The following AGT variants were observed in gnomAD, a reference collection of about 807,000 sequenced individuals.
AGT encodes the protein alpha-1 antiproteinase, antitrypsin.
A neutral mutation model predicts 28.1 loss-of-function variants in AGT; 26 were observed. The observed-to-expected ratio is 0.92, with a 90% CI of 0.68 to 1.28. AGT has a LOEUF of 1.28. AGT is among the 50% of genes most tolerant of loss of function. The probability of loss-of-function intolerance (pLI) is 0.00; values close to 1 mark genes in which losing one functional copy is unlikely to be tolerated. For synonymous variants in AGT, 259 were observed against 259.6 expected (o/e 1.00, Z 0.02); for missense variants, 596 against 592.3 (o/e 1.01, Z -0.06).
intron 1 of AGT, among the ~76,000 whole-genome samples, chr1:230,739,027 C>T (rs904363469): frequency 2.6e-5 from 4 of 152,000 alleles, no homozygotes; most frequent in African/African-American, 4.8e-5. Context: ...GATACTCTTG[C>T]TACTATGTAA....
intron 1 of AGT, among the ~76,000 whole-genome samples, chr1:230,733,258 G>A (rs1391354542): frequency 1.3e-5 from 2 of 152,066 alleles, no homozygotes; most frequent in South Asian, 2.1e-4. Context: ...ACTCCAGCGT[G>A]GGCAACAAGA....
intron 2 of AGT, among the ~76,000 whole-genome samples, chr1:230,707,259 A>G (rs1371116589): frequency 6.6e-6 from 1 of 152,152 alleles, no homozygotes; most frequent in Non-Finnish European, 1.5e-5. Context: ...TTACACTAGC[A>G]CATCCCTGCC....
upstream of AGT, among the ~76,000 whole-genome samples, chr1:230,718,743 T>TTTTTG (rs1663788963): frequency 6.9e-6 from 1 of 144,714 alleles, no homozygotes; most frequent in Admixed American, 6.8e-5. Context: ...TTTTTTTTTG[T>TTTTTG]GAGACAGGGT....
rs764938517 is a variant in AGT at position 230,710,361 on chromosome 1, C to T, written c.463G>A (p.Val155Ile). Residue 155 changes from valine to isoleucine, a missense_variant, in exon 2 of 5, where the codon GTT (valine) becomes ATT (isoleucine). Coordinates refer to ENST00000366667, the MANE Select transcript of AGT (RefSeq NM_001384479.1). ...TADRLQAILGVPWKDKNCTSR... is the reference protein window; with the variant it reads ...TADRLQAILGIPWKDKNCTSR... ...GTGCAGTTCTTGTCCTTCCAAGGAACACCCAGGATTGCCTGTAGCCTGTCA... is the reference window on the plus strand; with the variant it reads ...GTGCAGTTCTTGTCCTTCCAAGGAATACCCAGGATTGCCTGTAGCCTGTCA... 1 of 1,614,178 alleles carries T rather than the reference C, an allele frequency of 6.2e-7. No homozygotes were observed. The highest frequency in any genetic ancestry group is 1.1e-5 in the South Asian group (1 of 91,088).
chr1:230,740,888 G>A (rs538666293), intron 1 of AGT, among the ~76,000 whole-genome samples: 36 of 152,290 alleles, frequency 2.4e-4, no homozygotes, highest in South Asian at 1.0e-3. Context: ...GGTGGGTTAC[G>A]GTGAGCCAAG....
intron 1 of AGT, among the ~76,000 whole-genome samples, chr1:230,711,491 G>C: frequency 6.6e-6 from 1 of 152,164 alleles, no homozygotes; most frequent in East Asian, 1.9e-4. Flanking sequence ...GCCTGCAGCT[G>C]TAAGTTCTCT....
chr1:230,719,017 CATGCCTGGCCTTT>C (rs2102796938), upstream of AGT, among the ~76,000 whole-genome samples: 1 of 152,304 alleles, frequency 6.6e-6, no homozygotes, highest in South Asian at 2.1e-4. Flanking sequence ...CATGAGCCAC[CATGCCTGGCCTTT>C]ATGCTTTTTT....
rs765050973 is a variant in AGT, at chr1:230,706,179, A to G, written c.851T>C (p.Leu284Pro). Residue 284 changes from leucine to proline, a missense_variant, in exon 3 of 5, where the codon CTG becomes CCG. Physicochemically the swap from Leu to Pro is moderately conservative, Grantham distance 98. Coordinates refer to ENST00000366667, the MANE Select transcript of AGT (RefSeq NM_001384479.1). ...HFQGKMKGFS[L>P]LAEPQEFWVD... is the part of the protein sequence containing the mutation. ...CCAGAACTCCTGGGGCTCGGCCAGC[A>G]GGGAGAAGCCCTTCATCTTCCCTGA... 6.2e-7 allele frequency: 1 copy of G among 1,613,788 alleles called. No homozygotes were observed.
intron 1 of AGT, among the ~76,000 whole-genome samples, chr1:230,727,123 A>G (rs1051844414): frequency 6.6e-6 from 1 of 152,084 alleles, no homozygotes; most frequent in Non-Finnish European, 1.5e-5. Context: ...GCCTTGGAGA[A>G]CCCTAAAATC....
intron 1 of AGT, among the ~76,000 whole-genome samples, chr1:230,727,453 G>A (rs184723371): frequency 9.2e-5 from 14 of 152,256 alleles, no homozygotes; most frequent in Non-Finnish European, 1.5e-5. Flanking sequence ...ATTTACTGAG[G>A]ACATATAAAT....
chr1:230,731,696 T>C lies in AGT; in HGVS notation c.-31+13819A>G, dbSNP rs1664072152. ...GTCTGGCCAACATGGTGAAACCCCG[T>C]CTCTACTAAAAATACAAAAAATTAG... is the stretch of plus-strand genomic sequence containing the variant. On this transcript the variant is annotated intron_variant, in intron 1 of 4. Coordinates refer to the AGT transcript ENST00000681269. 3.3e-5 allele frequency among the ~76,000 whole-genome samples: 5 copies of C among 152,088 alleles called. No homozygotes were observed. In the South Asian group the frequency reaches 1.0e-3, roughly 32 times the overall value.
intron 1 of AGT, among the ~76,000 whole-genome samples, chr1:230,737,498 G>T (rs192695002): frequency 4.6e-5 from 7 of 152,134 alleles, no homozygotes; most frequent in Admixed American, 2.0e-4. Context: ...TTTTAGTAGA[G>T]ATGGGGTTTT....
Position 230,710,542 on chromosome 1 carries a change from G to A in AGT, c.282C>T (p.Ala94=), listed in dbSNP as rs756049025. ...AKLDTEDKLR[A]AMVGMLANFL... is the part of the protein sequence containing the mutation. ...AGTTGGCCAGCATCCCGACCATTGC[G>A]GCCCTCAACTTGTCTTCGGTGTCAA... The change falls in exon 2 of 5, where the codon GCC becomes GCT. Residue 94 remains alanine, a synonymous_variant. Coordinates refer to ENST00000366667, the MANE Select transcript of AGT (RefSeq NM_001384479.1). The A allele has an allele frequency of 1.9e-5, 30 of 1,614,112 alleles. No homozygotes were observed. Among genetic ancestry groups the A allele is most frequent in the South Asian group, 8.8e-5 (8 of 91,084 alleles).
At chr1:230,718,055 C>T (rs979707432), upstream of AGT, among the ~76,000 whole-genome samples, 1 of 152,198 alleles carries the variant, frequency 6.6e-6, no homozygotes, top group Non-Finnish European at 1.5e-5. Context: ...CCTCCTGCCT[C>T]AGTCTCCAGA....
intron 1 of AGT, among the ~76,000 whole-genome samples, chr1:230,736,401 C>T (rs1219467257): frequency 6.6e-6 from 1 of 152,110 alleles, no homozygotes. Context: ...CACCTGTAGT[C>T]CCAGCTACTC....
chr1:230,720,399 A>C (rs796319620), intron 1 of AGT, among the ~76,000 whole-genome samples: 1 of 152,206 alleles, frequency 6.6e-6, no homozygotes, highest in African/African-American at 2.4e-5. Flanking sequence ...ACAACCCCCT[A>C]TTCCCTACCC....
At chr1:230,733,876 C>T (rs986321278) in intron 1 of AGT, among the ~76,000 whole-genome samples, 1 of 151,992 alleles carries the variant, frequency 6.6e-6, no homozygotes, top group Non-Finnish European at 1.5e-5. Flanking sequence ...TGCGTGGAGA[C>T]CATTTCATGT....
chr1:230,727,650 T>C (rs2478528), intron 1 of AGT, among the ~76,000 whole-genome samples: 66,104 of 151,576 alleles, frequency 0.44, 16,528 homozygotes, highest in East Asian at 0.73. Flanking sequence ...TCAGTCAGAG[T>C]TATGTCCCCT....
At chr1:230,718,593 TTA>T (rs1491167101), upstream of AGT, among the ~76,000 whole-genome samples, 135 of 128,170 alleles carry the variant, frequency 1.1e-3, no homozygotes, top group African/African-American at 4.3e-3. Context: ...TATATTCACT[TTA>T]AAAAAAAAAA....
Sources: allele counts gnomAD v4.1 joint callset (sites outside exome capture counted in the v4.1 genomes callset), GRCh38; gene constraint gnomAD v4.1.1; transcripts MANE v1.5; gene names NCBI Gene and HGNC (gene_info 2026-07-23, HGNC 2026-07-21).